Variants in PRDX1 observed in about 807,000 individuals in gnomAD.
PRDX1 encodes peroxiredoxin 1, also known as peroxiredoxin-1.
In PRDX1, 19 loss-of-function variants were observed where a neutral mutation model predicts 20.7. The ratio of observed to expected loss-of-function variants is 0.92; its 90% CI spans 0.64 to 1.35. The LOEUF (loss-of-function observed/expected upper bound fraction) is 1.35. PRDX1 is among the 40% of genes most tolerant of loss of function. The pLI, the probability that PRDX1 is intolerant of heterozygous loss-of-function variation, is 0.00. For synonymous variants in PRDX1, 89 were observed against 83.9 expected (o/e 1.06, Z -0.33); for missense variants, 226 against 240.0 (o/e 0.94, Z 0.38).
intron 5 of PRDX1, among the ~76,000 whole-genome samples, chr1:45,514,116 A>G (rs568535653): frequency 6.6e-6 from 1 of 152,276 alleles, no homozygotes; most frequent in African/African-American, 2.4e-5. Context: ...GGGCAGCAAT[A>G]CTGCTCTTTA....
chr1:45,521,249 A>G (rs910964045), intron 1 of PRDX1, among the ~76,000 whole-genome samples: 1 of 152,140 alleles, frequency 6.6e-6, no homozygotes, highest in Non-Finnish European at 1.5e-5. Context: ...CCACATCCCT[A>G]AACCCCACTT....
chr1:45,511,311 A>G lies in PRDX1; in HGVS notation c.*18T>C, dbSNP rs1217463402. 6.3e-7 allele frequency: 1 copy of G among 1,591,462 alleles called. No individual in the cohort carries two copies. Among genetic ancestry groups the G allele is most frequent in the Non-Finnish European group, 8.6e-7 (1 of 1,167,516 alleles). On this transcript the variant is annotated 3_prime_UTR_variant, in exon 6 of 6. Transcript: ENST00000319248. ...TCATGGCTGCCCACCGCAGCCTGGC[A>G]CTAAAACAGCCCAGCGCTCACTTCT...
intron 1 of PRDX1, among the ~76,000 whole-genome samples, chr1:45,520,129 C>G (rs1570854930): frequency 6.8e-6 from 1 of 147,876 alleles, no homozygotes; most frequent in South Asian, 2.1e-4. Flanking sequence ...CACTTGAACC[C>G]GGGAGGCAGA....
At chr1:45,517,021 C>CAAAA (rs10700951) in intron 2 of PRDX1, among the ~76,000 whole-genome samples, 34 of 89,686 alleles carry the variant, frequency 3.8e-4, no homozygotes, top group African/African-American at 1.3e-3. Flanking sequence ...AATTCCACCT[C>CAAAA]AAAAAAAAAA....
chr1:45,515,770 G>GAAGTC lies in PRDX1; in HGVS notation c.139_143dup (p.Phe48LeufsTer28). On this transcript the variant is annotated frameshift_variant, in exon 3 of 6. Coordinates refer to ENST00000319248, the MANE Select transcript of PRDX1 (RefSeq NM_181697.3). LOFTEE classifies it high-confidence loss of function. ...TGATCTCCGTGGGGCACACAAAGGT[G>GAAGTC]AAGTCAAGAGGGTAAAAGAAGAACA... is the stretch of plus-strand genomic sequence containing the variant. The GAAGTC allele has an allele frequency of 2.5e-6, 4 of 1,592,340 alleles. No homozygotes were observed. Among genetic ancestry groups the GAAGTC allele is most frequent in the Non-Finnish European group, 3.4e-6 (4 of 1,173,604 alleles).
intron 1 of PRDX1, 55 bp from the exon 2 acceptor site, chr1:45,519,109 A>G: frequency 8.0e-7 from 1 of 1,242,834 alleles, no homozygotes; most frequent in Non-Finnish European, 1.1e-6. Context: ...CATAACCAGC[A>G]GCCTTCACCT....
chr1:45,516,602 TAAC>T (rs1643864086), intron 2 of PRDX1, among the ~76,000 whole-genome samples: 1 of 152,152 alleles, frequency 6.6e-6, no homozygotes, highest in African/African-American at 2.4e-5. Context: ...ACCACTGAAA[TAAC>T]AGATCTTCAA....
upstream of PRDX1, chr1:45,522,081 A>G (rs1019009197): frequency 6.6e-6 from 1 of 152,186 alleles, no homozygotes; most frequent in Non-Finnish European, 1.5e-5. Context: ...CCTGTTGCGG[A>G]TGGCTGAGGT....
intron 2 of PRDX1, among the ~76,000 whole-genome samples, chr1:45,518,366 C>T (rs1643879048): frequency 6.8e-6 from 1 of 146,602 alleles, no homozygotes; most frequent in South Asian, 2.2e-4. Flanking sequence ...ACTCGGGAGG[C>T]TGAGGCAGGA....
chr1:45,514,967 G>C lies in PRDX1; in HGVS notation c.289C>G (p.Leu97Val). 1.9e-6 allele frequency: 3 copies of C among 1,614,220 alleles called. No individual in the cohort carries two copies. The highest frequency in any genetic ancestry group is 2.5e-6 in the Non-Finnish European group (3 of 1,180,024). Residue 97 changes from leucine (L) to valine (V), a missense_variant, in exon 4 of 6, where the codon CTG becomes GTG. Physicochemically the swap from Leu to Val is conservative, Grantham distance 32. Transcript: ENST00000319248. ...ACCAAAGGAATGTTCATGGGTCCCA[G>C]TCCTCCTTGTTTCTTAGGTGTATTG... The part of the protein sequence containing the change: ...WVNTPKKQGG[L>V]GPMNIPLVSD...
chr1:45,511,687 GCCAACACTCTCTAAT>G, intron 5 of PRDX1: 1 of 304,516 alleles, frequency 3.3e-6, no homozygotes, highest in Non-Finnish European at 6.0e-6. Flanking sequence ...TAAATAATTT[GCCAACACTCTCTAAT>G]CCTTAAGGGG....
Position 45,514,998 on chromosome 1 carries a change from A to T in PRDX1, c.261-3T>A, listed in dbSNP as rs1018227403. 1 of 1,613,818 alleles carries T rather than the reference A, an allele frequency of 6.2e-7. No homozygotes were observed. The highest frequency in any genetic ancestry group is 1.7e-5 in the Admixed American group (1 of 59,876). On this transcript the variant is annotated splice_polypyrimidine_tract_variant and splice_region_variant and intron_variant, in intron 3 of 5. Coordinates refer to ENST00000319248, the MANE Select transcript of PRDX1 (RefSeq NM_181697.3). ...CTTGTTTCTTAGGTGTATTGACCCT[A>T]TGGCAAAAGGCAAACATACAGTTAC...
chr1:45,512,742 C>T (rs1406591339), intron 5 of PRDX1: 2 of 152,208 alleles, frequency 1.3e-5, no homozygotes, highest in African/African-American at 2.4e-5. Context: ...ACTGCTGCCT[C>T]CTTCTTAATG....
intron 2 of PRDX1, among the ~76,000 whole-genome samples, chr1:45,518,467 C>CAAAAAAA (rs35407028): frequency 4.2e-5 from 2 of 48,044 alleles, no homozygotes; most frequent in Non-Finnish European, 7.1e-5. Context: ...AACTCCATCT[C>CAAAAAAA]AAAAAAAAAA....
chr1:45,512,604 T>C (rs1409823015), intron 5 of PRDX1: 1 of 151,236 alleles, frequency 6.6e-6, no homozygotes, highest in Non-Finnish European at 1.5e-5. Context: ...CATGTTCCAG[T>C]GGGATGGGAA....
intron 2 of PRDX1, among the ~76,000 whole-genome samples, chr1:45,516,053 C>G (rs960753919): frequency 1.3e-5 from 2 of 152,204 alleles, no homozygotes; most frequent in African/African-American, 2.4e-5. Context: ...ACAGAGTAAA[C>G]ACTGTTCAGT....
At chr1:45,518,467 CAA>C (rs35407028) in intron 2 of PRDX1, among the ~76,000 whole-genome samples, 1 of 48,068 alleles carries the variant, frequency 2.1e-5, no homozygotes, top group African/African-American at 9.7e-5. Context: ...AACTCCATCT[CAA>C]AAAAAAAAAA....
intron 1 of PRDX1, among the ~76,000 whole-genome samples, chr1:45,521,409 G>C (rs992800597): frequency 3.3e-5 from 5 of 152,160 alleles, no homozygotes; most frequent in Non-Finnish European, 7.3e-5. Flanking sequence ...GCTAGTCAAG[G>C]CTCAGGACCC....
rs35286958 is a variant in PRDX1, at chr1:45,515,105, T to G, written c.261-110A>C. ...ATCTAACTTTCCAAAAAGACTGTTT[T>G]TTTTCCGTTTTCCAGCAATAAAGTG... is the stretch of plus-strand genomic sequence containing the variant. On this transcript the variant is annotated intron_variant, in intron 3 of 5. Coordinates refer to ENST00000319248, the MANE Select transcript of PRDX1 (RefSeq NM_181697.3). The G allele has an allele frequency of 5.0e-3, 7,334 of 1,472,120 alleles. 26 individuals carry two copies. The highest frequency in any genetic ancestry group is 6.2e-3 in the Non-Finnish European group (6,685 of 1,086,336). The allele number at this position is 1,472,120 out of a possible 1,614,324, so 91.2% of individuals were successfully genotyped here.
Sources: allele counts gnomAD v4.1 joint callset (sites outside exome capture counted in the v4.1 genomes callset), GRCh38; gene constraint gnomAD v4.1.1; transcripts MANE v1.5; gene names NCBI Gene and HGNC (gene_info 2026-07-23, HGNC 2026-07-21).